Variants in SULF1 observed in about 807,000 individuals in gnomAD.
SULF1 encodes extracellular sulfatase Sulf-1.
Under a neutral mutation model 110.5 loss-of-function variants are expected in SULF1, and 46 were observed. That is an observed-to-expected ratio of 0.42 (90% confidence interval 0.33 to 0.53). The LOEUF (loss-of-function observed/expected upper bound fraction) is 0.53, where lower values mean the gene tolerates loss of function less well. Ranked by LOEUF, SULF1 falls within the 20% of genes least tolerant of loss-of-function variation. SULF1 has a pLI of 0.12. For missense variants in SULF1, 941 were observed against 1,094.2 expected (o/e 0.86, Z 1.98); for synonymous variants, 371 against 387.1 (o/e 0.96, Z 0.49).
intron 3 of SULF1, among the ~76,000 whole-genome samples, chr8:69,546,674 G>C (rs2150681812): frequency 6.6e-6 from 1 of 152,278 alleles, no homozygotes; most frequent in African/African-American, 2.4e-5. Flanking sequence ...ATCCTTGAGT[G>C]ATTTACTCTG....
At chr8:69,614,133 C>A (rs1808889902) in intron 13 of SULF1, among the ~76,000 whole-genome samples, 1 of 152,084 alleles carries the variant, frequency 6.6e-6, no homozygotes, top group Admixed American at 6.6e-5. Context: ...TTGTTGAGTG[C>A]CTGCCATGTG....
chr8:69,590,292 G>T (rs1038677371), intron 8 of SULF1, among the ~76,000 whole-genome samples: 2 of 152,118 alleles, frequency 1.3e-5, no homozygotes, highest in Non-Finnish European at 2.9e-5. Context: ...CTTCTGAGGA[G>T]CTGGGACTAC....
chr8:69,502,450 G>A (rs1327090442), intron 3 of SULF1, among the ~76,000 whole-genome samples: 1 of 152,164 alleles, frequency 6.6e-6, no homozygotes. Flanking sequence ...GAGCCAGGGA[G>A]AGTTGTGGCA....
At chr8:69,626,487 T>C (rs1037496383) in intron 15 of SULF1, among the ~76,000 whole-genome samples, 4 of 152,238 alleles carry the variant, frequency 2.6e-5, no homozygotes, top group Non-Finnish European at 5.9e-5. Flanking sequence ...GCGCTCGCAC[T>C]CCTCAGCCCT....
intron 8 of SULF1, among the ~76,000 whole-genome samples, chr8:69,599,933 TATC>T (rs1264592837): frequency 6.6e-6 from 1 of 152,200 alleles, no homozygotes; most frequent in Non-Finnish European, 1.5e-5. Flanking sequence ...AATAGGACAA[TATC>T]CTTGTGGCTT....
intron 13 of SULF1, among the ~76,000 whole-genome samples, chr8:69,610,643 T>A (rs1021100080): frequency 2.0e-5 from 3 of 152,260 alleles, no homozygotes; most frequent in African/African-American, 7.2e-5. Flanking sequence ...TATGAACAGT[T>A]GTTCATCTAA....
intron 1 of SULF1, among the ~76,000 whole-genome samples, chr8:69,483,451 C>T (rs1196399915): frequency 6.6e-6 from 1 of 152,134 alleles, no homozygotes; most frequent in Non-Finnish European, 1.5e-5. Context: ...TTAATGTTCA[C>T]AGCTACTAAA....
chr8:69,512,210 G>T (rs1403246038), intron 3 of SULF1, among the ~76,000 whole-genome samples: 1 of 152,074 alleles, frequency 6.6e-6, no homozygotes, highest in South Asian at 2.1e-4. Context: ...CTCTTTCTTT[G>T]TCATTAAGTA....
At chr8:69,471,893 C>T (rs950965523) in intron 1 of SULF1, among the ~76,000 whole-genome samples, 3 of 152,140 alleles carry the variant, frequency 2.0e-5, no homozygotes, top group African/African-American at 7.2e-5. Flanking sequence ...TCAGCTATGT[C>T]AGTCATTAAT....
In SULF1 at chr8:69,659,060, C is replaced by G. The variant is rs1351864622; in HGVS notation, c.*525C>G. ...ACAGAGCTAGAGCTCGGGCCCAGCC[C>G]CAGGCTGCAGCCCATTCGCAGGCAC... is the stretch of plus-strand genomic sequence containing the variant. On this transcript the variant is annotated 3_prime_UTR_variant, in exon 23 of 23. Transcript: ENST00000402687. The G allele has an allele frequency of 2.2e-6, 1 of 456,978 alleles. No homozygotes were observed. The highest frequency in any genetic ancestry group is 2.0e-5 in the African/African-American group (1 of 50,096). The allele number at this position is 456,978 out of a possible 1,614,324, so 28.3% of individuals were successfully genotyped here.
chr8:69,563,064 G>A (rs964920638), intron 3 of SULF1: 1 of 152,258 alleles, frequency 6.6e-6, no homozygotes, highest in Non-Finnish European at 1.5e-5. Context: ...ACTCTCCGGG[G>A]TAGAGAATGA....
chr8:69,486,825 T>C (rs1008987880), intron 1 of SULF1, among the ~76,000 whole-genome samples: 13 of 152,188 alleles, frequency 8.5e-5, no homozygotes, highest in African/African-American at 2.9e-4. Flanking sequence ...CGACTGGTTA[T>C]TTAGAATCTA....
At chr8:69,636,284 C>G (rs1392104677) in intron 19 of SULF1, among the ~76,000 whole-genome samples, 2 of 152,082 alleles carry the variant, frequency 1.3e-5, no homozygotes, top group Non-Finnish European at 2.9e-5. Context: ...CACCTGTAAT[C>G]CCAACACTTT....
At chr8:69,525,036 C>T (rs77611747) in intron 3 of SULF1, among the ~76,000 whole-genome samples, 2,128 of 152,264 alleles carry the variant, frequency 0.014, 12 homozygotes, top group Non-Finnish European at 0.021. Flanking sequence ...TTTACTTTGA[C>T]AAAAGATCAT....
intron 22 of SULF1, among the ~76,000 whole-genome samples, chr8:69,643,148 A>T (rs1811617187): frequency 6.6e-6 from 1 of 152,264 alleles, no homozygotes; most frequent in Non-Finnish European, 1.5e-5. Context: ...TGGGCAGGAA[A>T]TCTTGACATT....
At chr8:69,486,879 C>T (rs1479972891) in intron 1 of SULF1, among the ~76,000 whole-genome samples, 2 of 152,202 alleles carry the variant, frequency 1.3e-5, no homozygotes, top group African/African-American at 4.8e-5. Flanking sequence ...TAAGGTATTA[C>T]TACTGTTGTT....
chr8:69,489,547 T>G (rs1303126256), upstream of SULF1, among the ~76,000 whole-genome samples: 2 of 150,854 alleles, frequency 1.3e-5, no homozygotes, highest in Non-Finnish European at 3.0e-5. Context: ...GGCTGTTTTC[T>G]GCCCTCCATT....
chr8:69,532,959 G>T (rs1351795584), intron 3 of SULF1, among the ~76,000 whole-genome samples: 1 of 152,160 alleles, frequency 6.6e-6, no homozygotes. Context: ...ATACAAATAA[G>T]ATTTAGATGT....
At chr8:69,640,433 T>C (rs758878414) in intron 21 of SULF1, among the ~76,000 whole-genome samples, 1 of 152,228 alleles carries the variant, frequency 6.6e-6, no homozygotes, top group Non-Finnish European at 1.5e-5. Context: ...ACTATTCCTA[T>C]GGGAGATGAT....
Sources: allele counts gnomAD v4.1 joint callset (sites outside exome capture counted in the v4.1 genomes callset), GRCh38; gene constraint gnomAD v4.1.1; transcripts MANE v1.5; gene names NCBI Gene and HGNC (gene_info 2026-07-23, HGNC 2026-07-21).